Variants in C11orf58 observed in about 807,000 individuals in gnomAD.
The protein encoded by C11orf58 is chromosome 11 open reading frame 58.
A neutral mutation model predicts 22.7 loss-of-function variants in C11orf58; 5 were observed. The observed-to-expected ratio is 0.22, with a 90% confidence interval of 0.12 to 0.46. The LOEUF is 0.46. Among genes scored for constraint, C11orf58 ranks in the 20% least tolerant of loss-of-function variants. The pLI is 0.99. For missense variants in C11orf58, 151 were observed against 223.3 expected, an observed-to-expected ratio of 0.68 and a Z score of 2.06; for synonymous variants, 71 against 70.7, an observed-to-expected ratio of 1.00 and a Z score of -0.02.
intron 1 of C11orf58, among the ~76,000 whole-genome samples, chr11:16,741,935 CAATA>C (rs1399660367): frequency 6.6e-6 from 1 of 152,134 alleles, no homozygotes; most frequent in African/African-American, 2.4e-5. Flanking sequence ...ATAAAGTGCC[CAATA>C]AATGTAATGC....
rs1435058679 is a variant in C11orf58, at chr11:16,757,172, C to T, written c.*2068C>T. 6.6e-6 allele frequency among the ~76,000 whole-genome samples: 1 copy of T among 151,840 alleles called. No individual in the cohort carries two copies. The highest frequency in any genetic ancestry group is 1.5e-5 in the Non-Finnish European group (1 of 67,982). ...TTTGAAAAAGTTTGGCTTTATTCAA[C>T]AATTTTAGTTTGCCCACTGATTTTC... On this transcript the variant is annotated 3_prime_UTR_variant, in exon 5 of 5. Transcript: ENST00000228136.
At chr11:16,747,104 G>T (rs889251504) in intron 2 of C11orf58, 1 of 152,140 alleles carries the variant, frequency 6.6e-6, no homozygotes, top group Non-Finnish European at 1.5e-5. Flanking sequence ...ATAGATCAGT[G>T]CAATACTGTC....
chr11:16,738,868 G>A (rs749192752), intron 1 of C11orf58, 27 bp downstream of exon 1: 2 of 1,613,622 alleles, frequency 1.2e-6, no homozygotes, highest in Admixed American at 3.3e-5. Flanking sequence ...GAGTGGCTGA[G>A]GGTTGAGGCC....
At chr11:16,753,643 T>C (rs1303380930) in intron 4 of C11orf58, among the ~76,000 whole-genome samples, 1 of 151,978 alleles carries the variant, frequency 6.6e-6, no homozygotes, top group African/African-American at 2.4e-5. Flanking sequence ...GATTACAGGC[T>C]TGAACCACCA....
Position 16,755,443 on chromosome 11 carries a change from A to T in C11orf58, c.*339A>T, listed in dbSNP as rs542314762. ...ATCATTTCCTTCATATTTTTCTCTTATAAAAATGTATTTGATACTGTGATA... is the reference window on the plus strand; with the variant it reads ...ATCATTTCCTTCATATTTTTCTCTTTTAAAAATGTATTTGATACTGTGATA... On this transcript the variant is annotated 3_prime_UTR_variant, in exon 5 of 5. Transcript: ENST00000228136. The T allele has an allele frequency of 1.1e-5, 2 of 174,532 alleles. No individual in the cohort carries two copies. Among genetic ancestry groups the T allele is most frequent in the Non-Finnish European group, 2.4e-5 (2 of 81,746 alleles). 10.8% of individuals were successfully genotyped at this position (174,532 alleles called of 1,614,324 possible). A position where few individuals can be genotyped will look rare whatever the true frequency, so the allele number is the denominator to read the frequency against.
In C11orf58 at chr11:16,751,850, A is replaced by G. The variant is rs1484570445; in HGVS notation, c.209-935A>G. On this transcript the variant is annotated intron_variant, in intron 3 of 4. Coordinates refer to ENST00000228136, the MANE Select transcript of C11orf58 (RefSeq NM_014267.6). ...CAGGTGAATCGACTTTGTTCATGCT[A>G]GAAGAGGATCAGCTGCTTAAGATCA... 3 of 152,362 alleles carry G rather than the reference A, an allele frequency of 2.0e-5. No individual in the cohort carries two copies. The East Asian group carries it at 5.8e-4, about 29-fold the overall frequency. The allele number at this position is 152,362 out of a possible 1,614,324, so 9.4% of individuals were successfully genotyped here.
Position 16,757,668 on chromosome 11 carries a change from A to G in C11orf58, c.*2564A>G, listed in dbSNP as rs1848592142. Among the ~76,000 whole-genome samples the G allele has an allele frequency of 6.6e-6, 1 of 152,236 alleles. No individual in the cohort carries two copies. Among genetic ancestry groups the G allele is most frequent in the Admixed American group, 6.5e-5 (1 of 15,280 alleles). On this transcript the variant is annotated 3_prime_UTR_variant, in exon 5 of 5. Transcript: ENST00000228136. ...TGTGCTGTGAAACACTATTCAGTGGAAAGTTTAGTGGCAACTTTTCCATAT... is the reference window on the plus strand; with the variant it reads ...TGTGCTGTGAAACACTATTCAGTGGGAAGTTTAGTGGCAACTTTTCCATAT...
At chr11:16,748,009 G>C in intron 2 of C11orf58, 88 bp from the exon 3 acceptor site, 1 of 967,882 alleles carries the variant, frequency 1.0e-6, no homozygotes, top group Non-Finnish European at 1.6e-6. Flanking sequence ...TGTCCCAGAA[G>C]CCTAGAATAG....
chr11:16,746,285 G>A (rs904490474), intron 2 of C11orf58, among the ~76,000 whole-genome samples: 1 of 152,156 alleles, frequency 6.6e-6, no homozygotes, highest in Non-Finnish European at 1.5e-5. Flanking sequence ...CTCATTAATC[G>A]AGATTTCCCA....
intron 4 of C11orf58, chr11:16,753,933 C>G (rs1278661525): frequency 1.8e-6 from 1 of 564,940 alleles, no homozygotes; most frequent in Non-Finnish European, 3.2e-6. Flanking sequence ...CTCCTGGGTT[C>G]AAGCGATCTT....
At chr11:16,738,905 G>A in intron 1 of C11orf58, 64 bp downstream of exon 1, 1 of 1,596,396 alleles carries the variant, frequency 6.3e-7, no homozygotes, top group Non-Finnish European at 8.6e-7. Context: ...AGGCCGGGAA[G>A]GGTGGTTGGA....
At chr11:16,746,087 A>G (rs944529054) in intron 2 of C11orf58, among the ~76,000 whole-genome samples, 7 of 152,226 alleles carry the variant, frequency 4.6e-5, no homozygotes, top group African/African-American at 1.7e-4. Flanking sequence ...AGCCATGCAC[A>G]TAGTGCTGTG....
At chr11:16,749,428 A>G (rs1205427607) in intron 3 of C11orf58, 1 of 152,216 alleles carries the variant, frequency 6.6e-6, no homozygotes, top group Non-Finnish European at 1.5e-5. Flanking sequence ...AAATATTTCA[A>G]CTGCCACATT....
At chr11:16,744,294 C>A (rs963221399) in intron 1 of C11orf58, 13 of 275,160 alleles carry the variant, frequency 4.7e-5, no homozygotes, top group Non-Finnish European at 7.6e-5. Flanking sequence ...CCACCCCAGA[C>A]CCGCTGAATC....
At chr11:16,739,932 C>T (rs1419154295) in intron 1 of C11orf58, among the ~76,000 whole-genome samples, 1 of 152,122 alleles carries the variant, frequency 6.6e-6, no homozygotes, top group Non-Finnish European at 1.5e-5. Context: ...TAAGACCTAC[C>T]CCTCTGATGG....
chr11:16,740,221 A>G (rs1450828110), intron 1 of C11orf58, among the ~76,000 whole-genome samples: 3 of 152,234 alleles, frequency 2.0e-5, no homozygotes. Flanking sequence ...TTGCTAGGAT[A>G]TCAGACACCT....
At chr11:16,753,450 C>A (rs1848549316) in intron 4 of C11orf58, among the ~76,000 whole-genome samples, 2 of 151,930 alleles carry the variant, frequency 1.3e-5, no homozygotes. Flanking sequence ...ACTGCAACTT[C>A]CACCTCCCGG....
chr11:16,745,778 G>T (rs116566377), intron 2 of C11orf58, among the ~76,000 whole-genome samples: 1,754 of 152,294 alleles, frequency 0.012, 26 homozygotes, highest in African/African-American at 0.04. Context: ...TAGATACTTA[G>T]TTTTTGTAAG....
At chr11:16,752,927 A>C (rs373678325) in intron 4 of C11orf58, 33 bp downstream of exon 4, 42 of 1,517,188 alleles carry the variant, frequency 2.8e-5, no homozygotes, top group Non-Finnish European at 3.7e-5. Flanking sequence ...TGGGAAGATA[A>C]TTAGTTTTCA....
Sources: gnomAD v4.1 joint callset for allele counts (sites outside exome capture counted in the v4.1 genomes callset) on GRCh38, gnomAD v4.1.1 for gene constraint, MANE v1.5 for transcripts, NCBI Gene and HGNC (gene_info 2026-07-23, HGNC 2026-07-21) for gene names.